The following MAGI1 variants were observed in gnomAD, a reference collection of about 807,000 sequenced individuals.
The protein encoded by MAGI1 is membrane-associated guanylate kinase, WW and PDZ domain-containing protein 1.
Under a neutral mutation model 139.9 loss-of-function variants are expected in MAGI1, and 58 were observed. The ratio of observed to expected loss-of-function variants is 0.41; its 90% CI spans 0.34 to 0.52. The LOEUF is 0.52. MAGI1 is among the 20% of genes least tolerant of loss of function. The pLI is 0.12. For missense variants in MAGI1, 1,874 were observed against 1,901.6 expected (o/e 0.99, Z 0.27); for synonymous variants, 812 against 737.9 (o/e 1.10, Z -1.63).
intron 1 of MAGI1, chr3:65,718,341 C>G (rs989153261): frequency 9.2e-5 from 14 of 152,216 alleles, no homozygotes; most frequent in African/African-American, 3.4e-4. Context: ...GAACTTTTTG[C>G]AATTCCTTTC....
At chr3:65,674,137 G>A (rs2087035478) in intron 1 of MAGI1, among the ~76,000 whole-genome samples, 1 of 152,142 alleles carries the variant, frequency 6.6e-6, no homozygotes, top group African/African-American at 2.4e-5. Context: ...GTTCAAGAAT[G>A]CAACAGGAGA....
chr3:65,527,447 C>T (rs1349980199), intron 2 of MAGI1, among the ~76,000 whole-genome samples: 1 of 151,826 alleles, frequency 6.6e-6, no homozygotes, highest in Non-Finnish European at 1.5e-5. Flanking sequence ...AGGAGTTGGC[C>T]GGGCGTGGTG....
chr3:65,931,976 T>C (rs2062826537), intron 1 of MAGI1, among the ~76,000 whole-genome samples: 1 of 152,306 alleles, frequency 6.6e-6, no homozygotes, highest in African/African-American at 2.4e-5. Flanking sequence ...TCCTGAAACT[T>C]GGAGTTACCA....
chr3:65,762,015 G>A (rs1387324522), intron 1 of MAGI1, among the ~76,000 whole-genome samples: 1 of 152,048 alleles, frequency 6.6e-6, no homozygotes, highest in African/African-American at 2.4e-5. Context: ...GCAGACTGGA[G>A]TAAGAGCCTA....
intron 1 of MAGI1, among the ~76,000 whole-genome samples, chr3:65,664,948 T>A (rs1024132541): frequency 1.3e-5 from 2 of 152,196 alleles, no homozygotes; most frequent in African/African-American, 2.4e-5. Flanking sequence ...CCTATATTTT[T>A]GCTTCCAAGC....
At position 65,364,711 on chromosome 3, in the gene MAGI1, G is replaced by A; in HGVS notation, c.3305C>T (p.Pro1102Leu). 6.2e-7 allele frequency: 1 copy of A among 1,614,058 alleles called. No homozygotes were observed. The highest frequency in any genetic ancestry group is 1.7e-5 in the Admixed American group (1 of 60,018). ...GAACTCAAATTGAGATTCCTGCTTT[G>A]GTTTGGTGGTATTCCTGCCAAAGTG... ...GTQETRNTTK[P>L]KQESQFEFKA... Residue 1102 changes from proline (P) to leucine (L), a missense_variant, in exon 20 of 23, where the codon CCA (proline) becomes CTA (leucine). By Grantham distance (98) the Pro-to-Leu change is moderately conservative. Transcript: ENST00000402939.
intron 1 of MAGI1, among the ~76,000 whole-genome samples, chr3:65,938,820 T>C (rs1259814388): frequency 1.3e-5 from 2 of 152,178 alleles, no homozygotes; most frequent in Admixed American, 1.3e-4. Context: ...TTTATTGTGA[T>C]AGACTGGCAG....
Position 65,470,455 on chromosome 3 carries a change from G to C in MAGI1, c.787C>G (p.Leu263Val). The change falls in exon 5 of 23, where the codon CTC becomes GTC. Residue 263 changes from leucine to valine, a missense_variant. This residue lies in a region of MAGI1 where 648 missense variants were observed against 598.1 expected (regional missense o/e 1.08). Transcript: ENST00000402939. The stretch of plus-strand genomic sequence containing the variant: ...ACAGGTGGTAATGCTGTTTCTTGGA[G>C]AGTGTGCTCCTCTTGTTCACCAGAA... ...ADSGEQEEHTLQETALPPVNS... is the reference protein window; with the variant it reads ...ADSGEQEEHTVQETALPPVNS... 1 of 1,613,368 alleles carries C rather than the reference G, an allele frequency of 6.2e-7. No individual in the cohort carries two copies. The highest frequency in any genetic ancestry group is 8.5e-7 in the Non-Finnish European group (1 of 1,179,784).
At chr3:65,626,035 T>TA (rs2083952170) in intron 1 of MAGI1, among the ~76,000 whole-genome samples, 1 of 152,230 alleles carries the variant, frequency 6.6e-6, no homozygotes, top group Middle Eastern at 3.4e-3. Context: ...AGAAATTGAG[T>TA]AAAAAAATAA....
chr3:66,018,041 G>A (rs747953422), intron 1 of MAGI1, among the ~76,000 whole-genome samples: 3 of 144,102 alleles, frequency 2.1e-5, no homozygotes, highest in South Asian at 2.2e-4. Context: ...TCAGAGATGC[G>A]GTCCACAATT....
intron 1 of MAGI1, among the ~76,000 whole-genome samples, chr3:65,707,116 T>C (rs1472292131): frequency 2.0e-5 from 3 of 152,190 alleles, no homozygotes; most frequent in Non-Finnish European, 1.5e-5. Flanking sequence ...ACTGTAGATG[T>C]TGTATAAACT....
chr3:65,406,979 C>T (rs1945389774), intron 12 of MAGI1, among the ~76,000 whole-genome samples: 1 of 152,120 alleles, frequency 6.6e-6, no homozygotes, highest in South Asian at 2.1e-4. Flanking sequence ...ACCACATGAG[C>T]CTTCTCTGTT....
In MAGI1 at chr3:65,360,075, C is replaced by T. The variant is rs974574683; in HGVS notation, c.3634+1124G>A. 3.6e-5 allele frequency: 35 copies of T among 985,356 alleles called. No homozygotes were observed. The African/African-American group carries it at 5.4e-4, about 15-fold the overall frequency. 61.0% of individuals were successfully genotyped at this position (985,356 alleles called of 1,614,324 possible). A position where few individuals can be genotyped will look rare whatever the true frequency, so the allele number is the denominator to read the frequency against. ...CCCTCCCCCTGTACCTCGGACCCCT[C>T]GTATTTTGCACCTGTACAAATGTCG... On this transcript the variant is annotated intron_variant, in intron 22 of 22. Transcript: ENST00000402939.
intron 1 of MAGI1, among the ~76,000 whole-genome samples, chr3:65,992,034 T>C (rs183050974): frequency 9.3e-4 from 142 of 151,944 alleles, no homozygotes; most frequent in Middle Eastern, 3.4e-3. Context: ...TAAATAAAAA[T>C]AAAAATACAT....
At chr3:65,941,385 C>G (rs981387170) in intron 1 of MAGI1, among the ~76,000 whole-genome samples, 1 of 152,014 alleles carries the variant, frequency 6.6e-6, no homozygotes, top group Non-Finnish European at 1.5e-5. Context: ...TAGTTAAAAC[C>G]AAGACAGTTC....
In MAGI1 at chr3:65,762,381, C is replaced by T. The variant is rs142896691; in HGVS notation, c.314-140293G>A. 3.3e-3 allele frequency among the ~76,000 whole-genome samples: 497 copies of T among 152,002 alleles called. 2 individuals carry two copies. The highest frequency in any genetic ancestry group is 0.011 in the African/African-American group (468 of 41,460). On this transcript the variant is annotated intron_variant, in intron 1 of 22. Coordinates refer to ENST00000402939, the MANE Select transcript of MAGI1 (RefSeq NM_001033057.2). ...ACTTGCAAGGCATTAATTCATTCTC[C>T]GAACACCAGCCTCTCCTACGAATCT...
chr3:65,647,075 G>A (rs2085308197), intron 1 of MAGI1, among the ~76,000 whole-genome samples: 1 of 152,182 alleles, frequency 6.6e-6, no homozygotes. Context: ...ATAAAACAAA[G>A]AGATGATTCT....
At chr3:65,649,307 G>A (rs1037986930) in intron 1 of MAGI1, among the ~76,000 whole-genome samples, 1 of 152,054 alleles carries the variant, frequency 6.6e-6, no homozygotes, top group South Asian at 2.1e-4. Context: ...GCCTGAGCCC[G>A]GGATTACAAG....
chr3:65,495,750 G>T (rs1372909203), intron 2 of MAGI1, among the ~76,000 whole-genome samples: 3 of 152,166 alleles, frequency 2.0e-5, no homozygotes, highest in Admixed American at 2.0e-4. Flanking sequence ...GAGAAGTAGG[G>T]AAGCTATATT....
Sources: gnomAD v4.1 joint callset for allele counts (sites outside exome capture counted in the v4.1 genomes callset) on GRCh38, gnomAD v4.1.1 for gene constraint, gnomAD v4.1.1 regional missense constraint, MANE v1.5 for transcripts, NCBI Gene and HGNC (gene_info 2026-07-23, HGNC 2026-07-21) for gene names.